GALNT13: variants seen among roughly 807,000 people sequenced by gnomAD.
GALNT13 encodes the protein UDP-GalNAc:polypeptide N-acetylgalactosaminyltransferase 13.
GALNT13 carries 28 observed loss-of-function variants against 64.2 expected under a neutral mutation model. The observed-to-expected ratio is 0.44, with a 90% CI of 0.32 to 0.60. The LOEUF is 0.60. Among genes scored for constraint, GALNT13 ranks in the 20% least tolerant of loss-of-function variants. GALNT13 has a pLI of 0.05. For missense variants in GALNT13, 577 were observed against 669.8 expected (o/e 0.86, Z 1.53); for synonymous variants, 214 against 224.6 (o/e 0.95, Z 0.42).
At chr2:153,993,863 T>C (rs2105197390) in intron 3 of GALNT13, among the ~76,000 whole-genome samples, 1 of 152,276 alleles carries the variant, frequency 6.6e-6, no homozygotes, top group African/African-American at 2.4e-5. Context: ...ACTTAGATCG[T>C]TTTTCTTTTG....
At chr2:153,529,968 A>C in the GALNT13 span, among the ~76,000 whole-genome samples, 1 of 152,102 alleles carries the variant, frequency 6.6e-6, no homozygotes, top group East Asian at 1.9e-4. Flanking sequence ...AAAAGGCTTT[A>C]CTCTAAGATC....
chr2:153,636,756 A>G, the GALNT13 span, among the ~76,000 whole-genome samples: 2 of 152,134 alleles, frequency 1.3e-5, no homozygotes, highest in Non-Finnish European at 2.9e-5. Context: ...ATGTTCAAAT[A>G]TTTGTTCCTA....
chr2:153,975,696 C>A (rs894179332), intron 3 of GALNT13, among the ~76,000 whole-genome samples: 1 of 151,922 alleles, frequency 6.6e-6, no homozygotes, highest in Admixed American at 6.6e-5. Flanking sequence ...GAGTTGTTGG[C>A]CAAAAGAACC....
chr2:153,403,648 C>T, the GALNT13 span, among the ~76,000 whole-genome samples: 23 of 152,308 alleles, frequency 1.5e-4, no homozygotes, highest in South Asian at 2.5e-3. Flanking sequence ...TTTTTCAAGC[C>T]GGTCGGAAAA....
At chr2:153,843,057 AG>A in the GALNT13 span, among the ~76,000 whole-genome samples, 3 of 73,266 alleles carry the variant, frequency 4.1e-5, no homozygotes, top group East Asian at 6.2e-4. Context: ...ACTGAAGCAT[AG>A]GGGATTAAAA....
chr2:154,147,924 T>A (rs1226525135), intron 4 of GALNT13, among the ~76,000 whole-genome samples: 2 of 151,898 alleles, frequency 1.3e-5, no homozygotes, highest in African/African-American at 4.8e-5. Context: ...TTTTTATTTT[T>A]ATTATTATTA....
At chr2:153,410,109 A>C in the GALNT13 span, among the ~76,000 whole-genome samples, 2 of 152,220 alleles carry the variant, frequency 1.3e-5, no homozygotes, top group Non-Finnish European at 2.9e-5. Flanking sequence ...TTGTTGAGAC[A>C]GGGTGTCACT....
rs147275744 is a variant in GALNT13, at chr2:154,051,708, T to C, written c.143-88629T>C. ...CTTCTAAACCGAGTATAAATTCCCA[T>C]TAGTACTACTGTTATTAAATGGAAC... is the stretch of plus-strand genomic sequence containing the variant. On this transcript the variant is annotated intron_variant, in intron 3 of 12. Transcript: ENST00000392825. Among the ~76,000 whole-genome samples, 1,067 of 152,324 alleles carry C rather than the reference T, an allele frequency of 7.0e-3. 11 individuals are homozygous for C. The highest frequency in any genetic ancestry group is 0.024 in the African/African-American group (982 of 41,568).
chr2:153,209,430 C>A, the GALNT13 span, among the ~76,000 whole-genome samples: 1 of 152,138 alleles, frequency 6.6e-6, no homozygotes, highest in Non-Finnish European at 1.5e-5. Flanking sequence ...AAAATTGAAT[C>A]TTTTTCCCAT....
intron 1 of GALNT13, among the ~76,000 whole-genome samples, chr2:153,881,708 T>G (rs138212734): frequency 6.6e-6 from 1 of 152,322 alleles, no homozygotes; most frequent in East Asian, 1.9e-4. Flanking sequence ...TTTGCAAATA[T>G]CTCAAATAAT....
intron 9 of GALNT13, among the ~76,000 whole-genome samples, chr2:154,330,618 G>C (rs1695117328): frequency 6.6e-6 from 1 of 151,996 alleles, no homozygotes; most frequent in African/African-American, 2.4e-5. Flanking sequence ...ATTATCCAGG[G>C]ACCAGTGATT....
the GALNT13 span, chr2:153,423,295 A>G: frequency 6.6e-6 from 1 of 151,898 alleles, no homozygotes; most frequent in African/African-American, 2.4e-5. Context: ...ATGCAGGAAA[A>G]TCATTCAATA....
intron 9 of GALNT13, among the ~76,000 whole-genome samples, chr2:154,337,898 T>A (rs938183222): frequency 1.3e-5 from 2 of 151,980 alleles, no homozygotes; most frequent in Non-Finnish European, 2.9e-5. Flanking sequence ...TAGTAAAGCT[T>A]TGGGGAACTG....
chr2:153,403,636 C>T, the GALNT13 span, among the ~76,000 whole-genome samples: 273 of 152,298 alleles, frequency 1.8e-3, 1 homozygote, highest in South Asian at 9.9e-3. Context: ...TGTGATGCGC[C>T]GTTTTTCAAG....
chr2:154,138,621 G>A (rs952233499), intron 3 of GALNT13, among the ~76,000 whole-genome samples: 8 of 148,830 alleles, frequency 5.4e-5, no homozygotes, highest in African/African-American at 7.4e-5. Context: ...TAATAGGAGC[G>A]CCCATGTCAC....
intron 8 of GALNT13, among the ~76,000 whole-genome samples, chr2:154,287,951 C>T (rs1022229195): frequency 6.6e-6 from 1 of 152,106 alleles, no homozygotes; most frequent in Admixed American, 6.5e-5. Context: ...ATTCTAGGTG[C>T]CTCAAAACAC....
At chr2:153,429,771 A>T in the GALNT13 span, among the ~76,000 whole-genome samples, 1 of 152,172 alleles carries the variant, frequency 6.6e-6, no homozygotes, top group Non-Finnish European at 1.5e-5. Context: ...AAAATATTAT[A>T]CATTTGCCTT....
intron 11 of GALNT13, among the ~76,000 whole-genome samples, chr2:154,415,125 C>T (rs371747825): frequency 6.9e-6 from 1 of 145,496 alleles, no homozygotes; most frequent in Admixed American, 6.9e-5. Flanking sequence ...TGTAGCAAAA[C>T]CCCATCTCTA....
At chr2:154,287,505 C>A (rs765557819) in intron 8 of GALNT13, 2 of 277,674 alleles carry the variant, frequency 7.2e-6, no homozygotes, top group Non-Finnish European at 1.4e-5. Context: ...TTTGCCCCCA[C>A]CCCAGATTGG....
Sources: allele counts gnomAD v4.1 joint callset (sites outside exome capture counted in the v4.1 genomes callset), GRCh38; gene constraint gnomAD v4.1.1; transcripts MANE v1.5; gene names NCBI Gene and HGNC (gene_info 2026-07-23, HGNC 2026-07-21).